The following IL7R variants were observed in gnomAD, a reference collection of about 807,000 sequenced individuals.
The protein encoded by IL7R is interleukin 7 receptor.
A neutral mutation model predicts 47.0 loss-of-function variants in IL7R; 38 were observed. The ratio of observed to expected loss-of-function variants is 0.81; its 90% confidence interval spans 0.62 to 1.06. IL7R has a LOEUF of 1.06. Among genes scored for constraint, IL7R ranks in the 50% least tolerant of loss-of-function variants. The probability of loss-of-function intolerance (pLI) is 0.00; values close to 1 mark genes in which losing one functional copy is unlikely to be tolerated. For missense variants in IL7R, 633 were observed against 534.8 expected, an observed-to-expected ratio of 1.18 and a Z score of -1.81; for synonymous variants, 221 against 199.8, an observed-to-expected ratio of 1.11 and a Z score of -0.89.
rs1760242976 is a variant in IL7R at position 35,877,275 on chromosome 5, C to A, written c.*789C>A. ...CCCAGACAAATGTGAACATACATAT[C>A]ATCACTTAAATTAAAATGGCTATGA... On this transcript the variant is annotated 3_prime_UTR_variant, in exon 8 of 8. Transcript: ENST00000303115. 4.3e-6 allele frequency: 1 copy of A among 233,110 alleles called. No individual in the cohort carries two copies. Among genetic ancestry groups the A allele is most frequent in the East Asian group, 6.0e-5 (1 of 16,568 alleles). 14.4% of individuals were successfully genotyped at this position (233,110 alleles called of 1,614,324 possible).
chr5:35,869,727 C>A (rs748716186), intron 3 of IL7R, among the ~76,000 whole-genome samples: 6 of 152,254 alleles, frequency 3.9e-5, no homozygotes, highest in Non-Finnish European at 8.8e-5. Context: ...GAATGGAGAG[C>A]AGGAACAAGA....
In IL7R at chr5:35,860,881, T is replaced by A; in HGVS notation, c.112T>A (p.Tyr38Asn). 1 of 1,613,624 alleles carries A rather than the reference T, an allele frequency of 6.2e-7. No individual in the cohort carries two copies. The highest frequency in any genetic ancestry group is 8.5e-7 in the Non-Finnish European group (1 of 1,179,574). The change falls in exon 2 of 8, where the codon TAC becomes AAC. Residue 38 changes from tyrosine to asparagine, a missense_variant. Physicochemically the swap from Tyr to Asn is moderately radical, Grantham distance 143 (BLOSUM62 -2). Coordinates refer to ENST00000303115, the MANE Select transcript of IL7R (RefSeq NM_002185.5). ...GDLEDAELDDYSFSCYSQLEV... is the reference protein window; with the variant it reads ...GDLEDAELDDNSFSCYSQLEV... ...CTTGGAAGATGCAGAACTGGATGAC[T>A]ACTCATTCTCATGCTATAGCCAGTT...
In IL7R at chr5:35,865,360, T is replaced by C. The variant is rs560803724; in HGVS notation, c.222-1946T>C. Among the ~76,000 whole-genome samples the C allele has an allele frequency of 2.0e-5, 3 of 152,324 alleles. No homozygotes were observed. The South Asian group carries it at 6.2e-4, about 32-fold the overall frequency. ...ACATTTTCTTAATCCAGTCTATCAT[T>C]GATGGACATTTGGCTTGGTTCCAAG... On this transcript the variant is annotated intron_variant, in intron 2 of 7. Coordinates refer to ENST00000303115, the MANE Select transcript of IL7R (RefSeq NM_002185.5).
At chr5:35,872,260 G>C (rs761727734) in intron 4 of IL7R, among the ~76,000 whole-genome samples, 1 of 152,108 alleles carries the variant, frequency 6.6e-6, no homozygotes, top group South Asian at 2.1e-4. Flanking sequence ...GTGCAATGGC[G>C]CCATCTTGGC....
Position 35,872,739 on chromosome 5 carries a change from AAC to A in IL7R, c.538-733_538-732del, listed in dbSNP as rs1198485316. On this transcript the variant is annotated intron_variant, in intron 4 of 7. Transcript: ENST00000303115. ...TAAAAAGTGGAGGTTTATATATGTC[AAC>A]ACACACAATAATCAAAAATCAAAAA... is the stretch of plus-strand genomic sequence containing the variant. Among the ~76,000 whole-genome samples the A allele has an allele frequency of 3.9e-5, 6 of 152,336 alleles. No homozygotes were observed. The South Asian group carries it at 1.2e-3, about 32-fold the overall frequency.
chr5:35,867,728 G>A, intron 3 of IL7R: 2 of 600,670 alleles, frequency 3.3e-6, no homozygotes, highest in Non-Finnish European at 5.9e-6. Context: ...CTGGAGCTGG[G>A]CTTCCTGTCA....
At chr5:35,859,491 T>C (rs1691328000) in intron 1 of IL7R, among the ~76,000 whole-genome samples, 1 of 152,130 alleles carries the variant, frequency 6.6e-6, no homozygotes, top group Admixed American at 6.5e-5. Flanking sequence ...CTGCTGAAAC[T>C]ACATAAAGAG....
At position 35,876,393 on chromosome 5, in the gene IL7R, C is replaced by T. The variant is rs2149906233; in HGVS notation, c.1287C>T (p.Asn429=). Residue 429 remains asparagine (N), a synonymous_variant, in exon 8 of 8, where the codon AAC becomes AAT. Transcript: ENST00000303115. ...TCCAATCTGGAATCCTGACATTGAA[C>T]CCAGTTGCTCAGGGTCAGCCCATTC... is the stretch of plus-strand genomic sequence containing the variant. ...FSLQSGILTL[N]PVAQGQPILT... 6.2e-7 allele frequency: 1 copy of T among 1,613,544 alleles called. No individual in the cohort carries two copies. Among genetic ancestry groups the T allele is most frequent in the Non-Finnish European group, 8.5e-7 (1 of 1,179,930 alleles).
intron 6 of IL7R, 73 bp from the exon 7 acceptor site, chr5:35,875,439 G>A (rs1760181773): frequency 3.9e-6 from 4 of 1,033,604 alleles, no homozygotes; most frequent in Non-Finnish European, 6.1e-6. Flanking sequence ...TCCAAGCTCA[G>A]AATAAGTGGG....
At position 35,871,224 on chromosome 5, in the gene IL7R, C is replaced by G. The variant is rs1439573190; in HGVS notation, c.537+11C>G. ...GAAAACAAATGGACGGTATGTAGTT[C>G]AACTACATTAATAAAATAAAAACTT... On this transcript the variant is annotated intron_variant, in intron 4 of 7. Transcript: ENST00000303115. The G allele has an allele frequency of 1.3e-6, 2 of 1,592,436 alleles. No homozygotes were observed. Among genetic ancestry groups the G allele is most frequent in the Admixed American group, 1.7e-5 (1 of 59,944 alleles).
chr5:35,876,720 G>A lies in IL7R; in HGVS notation c.*234G>A. On this transcript the variant is annotated 3_prime_UTR_variant, in exon 8 of 8. Transcript: ENST00000303115. ...TGTGGATTTGGTCACAAGGTTTAAG[G>A]TGACCCAATGATTCAGCTATTTAAA... 1.8e-6 allele frequency: 1 copy of A among 553,622 alleles called. No individual in the cohort carries two copies. Among genetic ancestry groups the A allele is most frequent in the South Asian group, 2.4e-5 (1 of 41,854 alleles). 34.3% of individuals were successfully genotyped at this position (553,622 alleles called of 1,614,324 possible). A position where few individuals can be genotyped will look rare whatever the true frequency, so the allele number is the denominator to read the frequency against.
At chr5:35,861,040 T>C (rs768305497) in intron 2 of IL7R, 50 bp downstream of exon 2, 1 of 1,570,820 alleles carries the variant, frequency 6.4e-7, no homozygotes. Flanking sequence ...TGTCTCTCTT[T>C]TCATATGCTC....
rs755541920 is a variant in IL7R, at chr5:35,871,042, T to C, written c.380-14T>C. 6.8e-6 allele frequency: 11 copies of C among 1,609,774 alleles called. No individual in the cohort carries two copies. Among genetic ancestry groups the C allele is most frequent in the Non-Finnish European group, 9.4e-6 (11 of 1,176,150 alleles). On this transcript the variant is annotated splice_polypyrimidine_tract_variant and intron_variant, in intron 3 of 7. Transcript: ENST00000303115. ...CTGCCCTTTAGACAGAATTTATTTC[T>C]TTTTCTTTTCCAGTTAAACCTGAGG...
chr5:35,863,745 A>G (rs1052355568), intron 2 of IL7R, among the ~76,000 whole-genome samples: 17 of 152,196 alleles, frequency 1.1e-4, no homozygotes, highest in African/African-American at 3.6e-4. Flanking sequence ...TTTATCACAG[A>G]AGAGGAAAAT....
chr5:35,878,895 T>C lies in IL7R; in HGVS notation c.*2409T>C, dbSNP rs1760283454. 1 of 232,884 alleles carries C rather than the reference T, an allele frequency of 4.3e-6. No individual in the cohort carries two copies. The highest frequency in any genetic ancestry group is 1.8e-4 in the South Asian group (1 of 5,526). The allele number at this position is 232,884 out of a possible 1,614,324, so 14.4% of individuals were successfully genotyped here. On this transcript the variant is annotated 3_prime_UTR_variant, in exon 8 of 8. Coordinates refer to ENST00000303115, the MANE Select transcript of IL7R (RefSeq NM_002185.5). ...AGCTCTAAAATCCTTTGTTTCAATGTTGTTTGGCATATGTTATCTTTGGAA... is the reference window on the plus strand; with the variant it reads ...AGCTCTAAAATCCTTTGTTTCAATGCTGTTTGGCATATGTTATCTTTGGAA...
intron 3 of IL7R, among the ~76,000 whole-genome samples, chr5:35,869,230 C>T (rs748516286): frequency 2.6e-5 from 4 of 152,198 alleles, no homozygotes; most frequent in Non-Finnish European, 5.9e-5. Flanking sequence ...AAGCATCTTC[C>T]AACCCAGTAA....
rs6862072 is a variant in IL7R, at chr5:35,878,940, T to A, written c.*2454T>A. The A allele has an allele frequency of 0.014, 3,263 of 232,978 alleles. 86 individuals carry two copies. The highest frequency in any genetic ancestry group is 0.048 in the African/African-American group (2,161 of 45,452). The allele number at this position is 232,978 out of a possible 1,614,324, so 14.4% of individuals were successfully genotyped here. On this transcript the variant is annotated 3_prime_UTR_variant, in exon 8 of 8. Coordinates refer to ENST00000303115, the MANE Select transcript of IL7R (RefSeq NM_002185.5). ...TTGGAATTTAGTGTCTGAGCCTCTGTCTGTTACTGTAGTATTTAAAATGCA... is the reference window on the plus strand; with the variant it reads ...TTGGAATTTAGTGTCTGAGCCTCTGACTGTTACTGTAGTATTTAAAATGCA...
At chr5:35,862,568 A>G (rs950933673) in intron 2 of IL7R, among the ~76,000 whole-genome samples, 1 of 152,152 alleles carries the variant, frequency 6.6e-6, no homozygotes, top group Non-Finnish European at 1.5e-5. Flanking sequence ...AGTGGAAAAT[A>G]TATGTATGAG....
chr5:35,875,702 T>C (rs1760189576), intron 7 of IL7R, 115 bp downstream of exon 7: 2 of 876,892 alleles, frequency 2.3e-6, no homozygotes, highest in Admixed American at 1.9e-5. Flanking sequence ...ATTCATCCTG[T>C]AACTAGGGTC....
Sources: gnomAD v4.1 joint callset for allele counts (sites outside exome capture counted in the v4.1 genomes callset) on GRCh38, gnomAD v4.1.1 for gene constraint, MANE v1.5 for transcripts, NCBI Gene and HGNC (gene_info 2026-07-23, HGNC 2026-07-21) for gene names.